DOCK3: variants seen among roughly 807,000 people sequenced by gnomAD.
The protein encoded by DOCK3 is dedicator of cytokinesis 3, also known as dedicator of cytokinesis protein 3.
DOCK3 carries 60 observed loss-of-function variants against 265.6 expected under a neutral mutation model. That is an observed-to-expected ratio of 0.23 (90% CI 0.18 to 0.28). DOCK3 has a LOEUF of 0.28. DOCK3 is among the 10% of genes least tolerant of loss of function. The pLI is 1.00. For missense variants in DOCK3, 1,981 were observed against 2,594.3 expected, an observed-to-expected ratio of 0.76 and a Z score of 5.14; for synonymous variants, 881 against 938.0, an observed-to-expected ratio of 0.94 and a Z score of 1.11.
At chr3:51,074,790 T>TGTAACAAACCTGCACATCCTGC in intron 6 of DOCK3, among the ~76,000 whole-genome samples, 1 of 152,056 alleles carries the variant, frequency 6.6e-6, no homozygotes. Context: ...CGTTCACCTG[T>TGTAACAAACCTGCACATCCTGC]GTAACAAACC....
chr3:50,925,961 A>G lies in DOCK3; in HGVS notation c.219-8020A>G, dbSNP rs113792302. ...ATTCTCCTGCCTCAGCCTCCTGAGT[A>G]GCTGGGATTACAAGGCACGCACCAC... On this transcript the variant is annotated intron_variant, in intron 4 of 52. Transcript: ENST00000266037. Among the ~76,000 whole-genome samples the G allele has an allele frequency of 6.3e-3, 943 of 150,362 alleles. 8 individuals carry two copies. The highest frequency in any genetic ancestry group is 0.022 in the African/African-American group (886 of 40,800).
chr3:51,249,709 G>C (rs2079088780), intron 22 of DOCK3, among the ~76,000 whole-genome samples: 1 of 126,654 alleles, frequency 7.9e-6, no homozygotes, highest in Non-Finnish European at 1.7e-5. Context: ...GGGCGCCTCT[G>C]CCCGGCCGCC....
chr3:51,308,868 G>T (rs574693126), intron 27 of DOCK3, among the ~76,000 whole-genome samples: 1 of 151,612 alleles, frequency 6.6e-6, no homozygotes, highest in Non-Finnish European at 1.5e-5. Flanking sequence ...CTTCTCAGAC[G>T]GGGCGGCTGC....
chr3:51,130,850 A>G (rs1412192905), intron 9 of DOCK3, among the ~76,000 whole-genome samples: 1 of 151,998 alleles, frequency 6.6e-6, no homozygotes, highest in Admixed American at 6.6e-5. Context: ...TGGGACTACA[A>G]GTGCGCGCCA....
intron 22 of DOCK3, among the ~76,000 whole-genome samples, chr3:51,251,327 A>C (rs2079220231): frequency 6.6e-6 from 1 of 152,160 alleles, no homozygotes; most frequent in Non-Finnish European, 1.5e-5. Flanking sequence ...CGCAGTAAAC[A>C]TACATGTGCA....
At chr3:51,069,632 C>T (rs2081768300) in intron 6 of DOCK3, among the ~76,000 whole-genome samples, 1 of 151,530 alleles carries the variant, frequency 6.6e-6, no homozygotes. Context: ...TTCTTTCTTT[C>T]TCTCCGTCTG....
chr3:51,097,253 T>C (rs931279467), intron 9 of DOCK3, among the ~76,000 whole-genome samples: 4 of 152,186 alleles, frequency 2.6e-5, no homozygotes, highest in Non-Finnish European at 5.9e-5. Flanking sequence ...TGGGAGTTTG[T>C]TCTGTAAGGC....
At chr3:51,229,960 G>T (rs1350257358) in intron 19 of DOCK3, among the ~76,000 whole-genome samples, 1 of 152,044 alleles carries the variant, frequency 6.6e-6, no homozygotes, top group East Asian at 1.9e-4. Context: ...TTTGTATTCC[G>T]CATATAAGTG....
intron 23 of DOCK3, among the ~76,000 whole-genome samples, chr3:51,261,058 A>AAAACAGTAGG (rs1297679523): frequency 1.3e-5 from 2 of 152,136 alleles, no homozygotes; most frequent in African/African-American, 4.8e-5. Flanking sequence ...AATAATTTGA[A>AAAACAGTAGG]AAACAGTAGG....
intron 2 of DOCK3, among the ~76,000 whole-genome samples, chr3:50,813,657 C>T (rs560642255): frequency 2.0e-5 from 3 of 152,096 alleles, no homozygotes; most frequent in Admixed American, 6.5e-5. Context: ...TCTTGATAAA[C>T]CCATCATGAA....
rs763496747 is a variant in DOCK3, at chr3:51,280,245, C to T, written c.2922+41C>T. On this transcript the variant is annotated intron_variant, in intron 27 of 52. Coordinates refer to ENST00000266037, the MANE Select transcript of DOCK3 (RefSeq NM_004947.5). The stretch of plus-strand genomic sequence containing the variant: ...CCTTTCCTCTGGGAGAGGAAGTGTG[C>T]AGCCAGCACTCCCCAGGGGCTTTTT... The T allele has an allele frequency of 5.7e-6, 9 of 1,572,428 alleles. No homozygotes were observed. In the South Asian group the frequency reaches 9.1e-5, roughly 16 times the overall value.
At chr3:51,123,019 C>T (rs1363019642) in intron 9 of DOCK3, among the ~76,000 whole-genome samples, 2 of 152,220 alleles carry the variant, frequency 1.3e-5, no homozygotes, top group Non-Finnish European at 2.9e-5. Flanking sequence ...ACTCTGATAA[C>T]AGTCCCCATG....
At chr3:51,015,081 A>G (rs1293090233) in intron 5 of DOCK3, among the ~76,000 whole-genome samples, 3 of 152,116 alleles carry the variant, frequency 2.0e-5, no homozygotes, top group African/African-American at 7.2e-5. Flanking sequence ...TAACTGAACA[A>G]GGATAATTTG....
At chr3:51,032,298 A>C (rs2080084556) in intron 5 of DOCK3, among the ~76,000 whole-genome samples, 1 of 152,210 alleles carries the variant, frequency 6.6e-6, no homozygotes, top group Admixed American at 6.5e-5. Context: ...CTTAGTAAGA[A>C]TATGATTTAG....
chr3:51,312,495 G>C lies in DOCK3; in HGVS notation c.3113G>C (p.Ser1038Thr), dbSNP rs769361585. The C allele has an allele frequency of 6.2e-7, 1 of 1,612,520 alleles. No homozygotes were observed. Among genetic ancestry groups the C allele is most frequent in the South Asian group, 1.1e-5 (1 of 90,724 alleles). Residue 1038 changes from serine to threonine, a missense_variant, in exon 30 of 53, where the codon AGC becomes ACC. This residue lies in a region of DOCK3 where 1,357 missense variants were observed against 1,866.8 expected (regional missense o/e 0.73). Coordinates refer to ENST00000266037, the MANE Select transcript of DOCK3 (RefSeq NM_004947.5). ...GTCTAGGTGTGGAATTCTTACTTTAGCCTGGCAGTTCTATTCATAAATCAG... is the reference window on the plus strand; with the variant it reads ...GTCTAGGTGTGGAATTCTTACTTTACCCTGGCAGTTCTATTCATAAATCAG... ...FDFKVWNSYF[S>T]LAVLFINQPS... is the part of the protein sequence containing the mutation.
chr3:50,884,180 T>A (rs2048210446), intron 3 of DOCK3, among the ~76,000 whole-genome samples: 1 of 151,970 alleles, frequency 6.6e-6, no homozygotes, highest in Non-Finnish European at 1.5e-5. Context: ...AAACTCTGCC[T>A]CCTGGGTTCA....
At chr3:50,984,541 G>A (rs1443658758) in intron 5 of DOCK3, among the ~76,000 whole-genome samples, 2 of 152,210 alleles carry the variant, frequency 1.3e-5, no homozygotes, top group East Asian at 3.9e-4. Flanking sequence ...CTTTGAATAT[G>A]CCATCCTCTT....
At chr3:51,330,303 A>G in intron 33 of DOCK3, 80 bp downstream of exon 33, 2 of 1,383,472 alleles carry the variant, frequency 1.4e-6, no homozygotes, top group Non-Finnish European at 1.0e-6. Flanking sequence ...TTGCAACTGC[A>G]CTGGCAGGCT....
chr3:50,982,890 G>T (rs2077746079), intron 5 of DOCK3, among the ~76,000 whole-genome samples: 1 of 152,130 alleles, frequency 6.6e-6, no homozygotes, highest in Non-Finnish European at 1.5e-5. Flanking sequence ...GAGGGAGTGG[G>T]TGGGAGCCCC....
Sources: gnomAD v4.1 joint callset for allele counts (sites outside exome capture counted in the v4.1 genomes callset) on GRCh38, gnomAD v4.1.1 for gene constraint, gnomAD v4.1.1 regional missense constraint, MANE v1.5 for transcripts, NCBI Gene and HGNC (gene_info 2026-07-23, HGNC 2026-07-21) for gene names.